Variants in GIMAP4 observed in about 807,000 individuals in gnomAD.
The protein encoded by GIMAP4 is GTPase, IMAP family member 4.
Under a neutral mutation model 10.8 loss-of-function variants are expected in GIMAP4, and 12 were observed. The ratio of observed to expected loss-of-function variants is 1.11; its 90% CI spans 0.71 to 1.81. GIMAP4 has a LOEUF of 1.81. Ranked by LOEUF, GIMAP4 falls within the 40% of genes most tolerant of loss-of-function variation. The pLI is 0.00. For missense variants in GIMAP4, 412 were observed against 404.6 expected, an observed-to-expected ratio of 1.02 and a Z score of -0.16; for synonymous variants, 149 against 147.2, an observed-to-expected ratio of 1.01 and a Z score of -0.09.
rs1328411254 is a variant in GIMAP4, at chr7:150,573,234, T to G, written c.*174T>G. 1.2e-5 allele frequency: 7 copies of G among 563,554 alleles called. No homozygotes were observed. Among genetic ancestry groups the G allele is most frequent in the Non-Finnish European group, 2.2e-5 (7 of 320,394 alleles). The allele number at this position is 563,554 out of a possible 1,614,324, so 34.9% of individuals were successfully genotyped here. On this transcript the variant is annotated 3_prime_UTR_variant, in exon 3 of 3. Coordinates refer to ENST00000255945, the MANE Select transcript of GIMAP4 (RefSeq NM_018326.3). The stretch of plus-strand genomic sequence containing the variant: ...GACTTAACAAGAGAGGGACAAATTT[T>G]CAATTTGTGAAACTCCAAAGCAGAA...
rs1333858545 is a variant in GIMAP4 at position 150,572,744 on chromosome 7, T to G, written c.674T>G (p.Met225Arg). 1.2e-6 allele frequency: 2 copies of G among 1,613,956 alleles called. No individual in the cohort carries two copies. Among genetic ancestry groups the G allele is most frequent in the East Asian group, 4.5e-5 (2 of 44,892 alleles). The change falls in exon 3 of 3, where the codon ATG becomes AGG. Residue 225 changes from methionine to arginine, a missense_variant. Coordinates refer to ENST00000255945, the MANE Select transcript of GIMAP4 (RefSeq NM_018326.3). ...AAGGAAGGCTGCTACACTAATAGGA[T>G]GTACCAAAGGGCGGAGGAGGAGATC... is the stretch of plus-strand genomic sequence containing the variant. Reference protein sequence around the residue: ...ENKEGCYTNRMYQRAEEEIQK... With the variant: ...ENKEGCYTNRRYQRAEEEIQK...
rs1795692199 is a variant in GIMAP4, at chr7:150,568,668, T to C, written c.-14-1220T>C. Among the ~76,000 whole-genome samples, 4 of 152,194 alleles carry C rather than the reference T, an allele frequency of 2.6e-5. 1 individual carries two copies. The highest frequency in any genetic ancestry group is 5.9e-5 in the Non-Finnish European group (4 of 68,040). On this transcript the variant is annotated intron_variant, in intron 1 of 2. Coordinates refer to ENST00000255945, the MANE Select transcript of GIMAP4 (RefSeq NM_018326.3). ...CAGGGAGATTATCCATTTATTTATT[T>C]AACAATGATCGATAACCATTCTTTG...
rs1352695671 is a variant in GIMAP4 at position 150,572,302 on chromosome 7, G to A, written c.232G>A (p.Glu78Lys). ...TGAGAAACGCAGCAGCTCATGGAAG[G>A]AAACAGAACTTGTCGTAGTTGACAC... ...KCEKRSSSWKETELVVVDTPG... is the reference protein window; with the variant it reads ...KCEKRSSSWKKTELVVVDTPG... Residue 78 changes from glutamate to lysine, a missense_variant, in exon 3 of 3, where the codon GAA (glutamate) becomes AAA (lysine). Glu to Lys is a moderately conservative substitution (Grantham distance 56). Coordinates refer to ENST00000255945, the MANE Select transcript of GIMAP4 (RefSeq NM_018326.3). 6.2e-7 allele frequency: 1 copy of A among 1,614,014 alleles called. No individual in the cohort carries two copies. Among genetic ancestry groups the A allele is most frequent in the East Asian group, 2.2e-5 (1 of 44,878 alleles).
chr7:150,572,350 G>C lies in GIMAP4; in HGVS notation c.280G>C (p.Val94Leu). The change falls in exon 3 of 3, where the codon GTG becomes CTG. Residue 94 changes from valine (V) to leucine (L), a missense_variant. By Grantham distance (32) the Val-to-Leu change is conservative. Transcript: ENST00000255945. Reference sequence around the variant, plus strand: ...CACACCAGGCATTTTCGACACAGAGGTGCCCAATGCTGAAACGTCCAAGGA... The same window carrying C: ...CACACCAGGCATTTTCGACACAGAGCTGCCCAATGCTGAAACGTCCAAGGA... ...VDTPGIFDTE[V>L]PNAETSKEII... 6.2e-7 allele frequency: 1 copy of C among 1,614,016 alleles called. No individual in the cohort carries two copies. Among genetic ancestry groups the C allele is most frequent in the South Asian group, 1.1e-5 (1 of 91,082 alleles).
Position 150,573,872 on chromosome 7 carries a change from G to T in GIMAP4, c.*812G>T, listed in dbSNP as rs2116723021. ...CAACACTTTGAATACTTATTGTTTG[G>T]CAGGTCATCCACACACTTCTGCCCC... is the stretch of plus-strand genomic sequence containing the variant. On this transcript the variant is annotated 3_prime_UTR_variant, in exon 3 of 3. Transcript: ENST00000255945. The T allele has an allele frequency of 6.6e-6, 1 of 152,214 alleles. No individual in the cohort carries two copies. The highest frequency in any genetic ancestry group is 2.4e-5 in the African/African-American group (1 of 41,544). 9.4% of individuals were successfully genotyped at this position (152,214 alleles called of 1,614,324 possible). A position where few individuals can be genotyped will look rare whatever the true frequency, so the allele number is the denominator to read the frequency against.
chr7:150,568,045 G>T (rs1585155605), intron 1 of GIMAP4, among the ~76,000 whole-genome samples: 1 of 152,238 alleles, frequency 6.6e-6, no homozygotes, highest in East Asian at 1.9e-4. Flanking sequence ...TGTTCCTTAG[G>T]CAGAGAGAGG....
chr7:150,569,737 G>C (rs535420778), intron 1 of GIMAP4, among the ~76,000 whole-genome samples, 151 bp from the exon 2 acceptor site: 1 of 152,178 alleles, frequency 6.6e-6, no homozygotes, highest in Non-Finnish European at 1.5e-5. Context: ...ACTGAAAATG[G>C]AGGGTTGAGG....
chr7:150,570,886 C>T (rs1248737310), intron 2 of GIMAP4, among the ~76,000 whole-genome samples: 1 of 152,160 alleles, frequency 6.6e-6, no homozygotes, highest in Non-Finnish European at 1.5e-5. Flanking sequence ...TACTGTCCTA[C>T]TGTCCAGAGC....
rs756417928 is a variant in GIMAP4 at position 150,569,934 on chromosome 7, C to A, written c.33C>A (p.Asn11Lys). The A allele has an allele frequency of 3.8e-5, 61 of 1,604,434 alleles. No homozygotes were observed. The highest frequency in any genetic ancestry group is 4.8e-5 in the Non-Finnish European group (56 of 1,171,666). Residue 11 changes from asparagine to lysine, a missense_variant, in exon 2 of 3, where the codon AAC becomes AAA. Asn to Lys is a moderately conservative substitution (Grantham distance 94). Coordinates refer to ENST00000255945, the MANE Select transcript of GIMAP4 (RefSeq NM_018326.3). Reference sequence around the variant, plus strand: ...CCCAATACGGCAGTATGAGCTTCAACCCCAGCACACCAGGGGCCAGTTATG... The same window carrying A: ...CCCAATACGGCAGTATGAGCTTCAAACCCAGCACACCAGGGGCCAGTTATG... Reference protein sequence around the residue: MAAQYGSMSFNPSTPGASYGP... With the variant: MAAQYGSMSFKPSTPGASYGP...
Position 150,573,072 on chromosome 7 carries a change from A to C in GIMAP4, c.*12A>C, listed in dbSNP as rs1016582964. The C allele has an allele frequency of 4.6e-6, 7 of 1,531,098 alleles. No homozygotes were observed. In the African/African-American group the frequency reaches 8.3e-5, roughly 18 times the overall value. 94.8% of individuals were successfully genotyped at this position (1,531,098 alleles called of 1,614,324 possible). A position where few individuals can be genotyped will look rare whatever the true frequency, so the allele number is the denominator to read the frequency against. On this transcript the variant is annotated 3_prime_UTR_variant, in exon 3 of 3. Coordinates refer to ENST00000255945, the MANE Select transcript of GIMAP4 (RefSeq NM_018326.3). The stretch of plus-strand genomic sequence containing the variant: ...TCGCGGAAGATTAAACTTAATGAAA[A>C]TCTGTTTGTATTTTCTGCATATTCT...
rs147631155 is a variant in GIMAP4 at position 150,569,897 on chromosome 7, C to A, written c.-5C>A. ...GTTTCTTGATCTACAGGAGTTCAAGCGACAATGGCAGCCCAATACGGCAGT... is the reference window on the plus strand; with the variant it reads ...GTTTCTTGATCTACAGGAGTTCAAGAGACAATGGCAGCCCAATACGGCAGT... On this transcript the variant is annotated 5_prime_UTR_variant, in exon 2 of 3. Transcript: ENST00000255945. 1 of 1,521,902 alleles carries A rather than the reference C, an allele frequency of 6.6e-7. No homozygotes were observed. The allele number at this position is 1,521,902 out of a possible 1,614,324, so 94.3% of individuals were successfully genotyped here. A position where few individuals can be genotyped will look rare whatever the true frequency, so the allele number is the denominator to read the frequency against.
intron 1 of GIMAP4, among the ~76,000 whole-genome samples, chr7:150,569,480 G>A (rs1035255132): frequency 2.0e-5 from 3 of 152,102 alleles, no homozygotes; most frequent in Admixed American, 2.0e-4. Context: ...GCTTAATTTC[G>A]GCCAGGTTCT....
At position 150,572,104 on chromosome 7, in the gene GIMAP4, C is replaced by CTT. The variant is rs3215316; in HGVS notation, c.59-15_59-14dup. ...TTAGAGGTAGATTCTAACAGCATGG[C>CTT]TTTTTTTTTTTCTTGATGTCCCAGG... On this transcript the variant is annotated intron_variant, in intron 2 of 2. Coordinates refer to ENST00000255945, the MANE Select transcript of GIMAP4 (RefSeq NM_018326.3). The CTT allele has an allele frequency of 5.4e-4, 618 of 1,142,902 alleles. No homozygotes were observed. The African/African-American group carries it at 6.1e-3, about 11-fold the overall frequency. The allele number at this position is 1,142,902 out of a possible 1,614,324, so 70.8% of individuals were successfully genotyped here. A position where few individuals can be genotyped will look rare whatever the true frequency, so the allele number is the denominator to read the frequency against.
intron 2 of GIMAP4, 21 bp downstream of exon 2, chr7:150,569,980 C>T (rs760257217): frequency 9.5e-6 from 15 of 1,573,894 alleles, no homozygotes; most frequent in Middle Eastern, 1.7e-4. Context: ...ATTCAGTGCT[C>T]CCCAGACCAG....
intron 2 of GIMAP4, 74 bp downstream of exon 2, chr7:150,570,033 G>C: frequency 2.7e-5 from 11 of 400,938 alleles, no homozygotes; most frequent in Admixed American, 3.4e-5. Flanking sequence ...ATTTGGGGGG[G>C]AATAGGGGTG....
In GIMAP4 at chr7:150,572,194, G is replaced by A. The variant is rs143594517; in HGVS notation, c.124G>A (p.Gly42Arg). 4.3e-6 allele frequency: 7 copies of A among 1,613,976 alleles called. No homozygotes were observed. In the African/African-American group the frequency reaches 8.0e-5, roughly 18 times the overall value. The change falls in exon 3 of 3, where the codon GGA becomes AGA. Residue 42 changes from glycine (G) to arginine (R), a missense_variant. Physicochemically the swap from Gly to Arg is moderately radical, Grantham distance 125 (BLOSUM62 -2). Coordinates refer to ENST00000255945, the MANE Select transcript of GIMAP4 (RefSeq NM_018326.3). ...RIVLVGKTGA[G>R]KSATGNSILG... ...TGTGTTAGTGGGTAAAACCGGAGCAGGAAAAAGTGCAACAGGAAACAGCAT... is the reference window on the plus strand; with the variant it reads ...TGTGTTAGTGGGTAAAACCGGAGCAAGAAAAAGTGCAACAGGAAACAGCAT...
chr7:150,572,546 T>C lies in GIMAP4; in HGVS notation c.476T>C (p.Leu159Ser), dbSNP rs760733851. 2 of 1,614,112 alleles carry C rather than the reference T, an allele frequency of 1.2e-6. No homozygotes were observed. The highest frequency in any genetic ancestry group is 1.7e-6 in the Non-Finnish European group (2 of 1,179,988). ...CTCATATTCACCCGGAAAGATGACT[T>C]AGGTGACACCAATTTGCATGACTAC... The part of the protein sequence containing the change: ...MILIFTRKDD[L>S]GDTNLHDYLR... Residue 159 changes from leucine (L) to serine (S), a missense_variant, in exon 3 of 3, where the codon TTA becomes TCA. Coordinates refer to ENST00000255945, the MANE Select transcript of GIMAP4 (RefSeq NM_018326.3).
intron 2 of GIMAP4, among the ~76,000 whole-genome samples, chr7:150,571,768 T>C (rs1795731199): frequency 6.6e-6 from 1 of 151,876 alleles, no homozygotes; most frequent in Non-Finnish European, 1.5e-5. Flanking sequence ...GCAACAAGAG[T>C]GAAACTCCGT....
intron 2 of GIMAP4, 102 bp from the exon 3 acceptor site, chr7:150,572,027 C>T (rs2293173): frequency 0.023 from 16,471 of 714,332 alleles, 1,130 homozygotes; most frequent in African/African-American, 0.19. Flanking sequence ...GAAGCCCCCA[C>T]AGCCAGTAAC....
Sources: gnomAD v4.1 joint callset for allele counts (sites outside exome capture counted in the v4.1 genomes callset) on GRCh38, gnomAD v4.1.1 for gene constraint, MANE v1.5 for transcripts, NCBI Gene and HGNC (gene_info 2026-07-23, HGNC 2026-07-21) for gene names.